The following TRPM1 variants were observed in gnomAD, a reference collection of about 807,000 sequenced individuals.
TRPM1 encodes transient receptor potential cation channel subfamily M member 1, also known as TRPM1-203 APA Isoform, Intron 10.
In TRPM1, 113 loss-of-function variants were observed where a neutral mutation model predicts 149.4. That is an observed-to-expected ratio of 0.76 (90% CI 0.65 to 0.88). The LOEUF (loss-of-function observed/expected upper bound fraction) is 0.88, where lower values mean the gene tolerates loss of function less well. TRPM1 is among the 40% of genes least tolerant of loss of function. TRPM1 has a pLI of 0.00. For missense variants in TRPM1, 1,976 were observed against 2,038.7 expected (o/e 0.97, Z 0.59); for synonymous variants, 741 against 759.5 (o/e 0.98, Z 0.40).
At position 31,081,358 on chromosome 15, in the gene TRPM1, G is replaced by T. The variant is rs1188940969; in HGVS notation, c.-3C>A. On this transcript the variant is annotated 5_prime_UTR_variant, in exon 2 of 28. Coordinates refer to ENST00000256552, the MANE Select transcript of TRPM1 (RefSeq NM_001252024.2). ...TGCTTTACTTAGGTATTAACCATGA[G>T]TTTTCAAAAAGTTGATATAAGGAAA... is the stretch of plus-strand genomic sequence containing the variant. 1 of 1,530,756 alleles carries T rather than the reference G, an allele frequency of 6.5e-7. No individual in the cohort carries two copies. The highest frequency in any genetic ancestry group is 8.8e-7 in the Non-Finnish European group (1 of 1,142,834). The allele number at this position is 1,530,756 out of a possible 1,614,324, so 94.8% of individuals were successfully genotyped here. A position where few individuals can be genotyped will look rare whatever the true frequency, so the allele number is the denominator to read the frequency against.
At chr15:31,003,386 A>T (rs1421232817) in intron 27 of TRPM1, among the ~76,000 whole-genome samples, 1 of 152,234 alleles carries the variant, frequency 6.6e-6, no homozygotes, top group Non-Finnish European at 1.5e-5. Flanking sequence ...CAGTCCTTGG[A>T]AGTAGGTCTA....
chr15:31,134,586 T>C (rs11857358), intron 1 of TRPM1, among the ~76,000 whole-genome samples: 3,981 of 152,316 alleles, frequency 0.026, 184 homozygotes, highest in African/African-American at 0.091. Flanking sequence ...CCTCTGGTTT[T>C]CCAGTGATTT....
At chr15:31,155,825 T>C (rs903043994) in intron 1 of TRPM1, among the ~76,000 whole-genome samples, 2 of 152,088 alleles carry the variant, frequency 1.3e-5, no homozygotes, top group Non-Finnish European at 2.9e-5. Flanking sequence ...TAAAATCTCA[T>C]CAGTTGGGTT....
At chr15:31,089,266 G>A (rs2035145177) in intron 1 of TRPM1, among the ~76,000 whole-genome samples, 3 of 150,316 alleles carry the variant, frequency 2.0e-5, no homozygotes, top group Admixed American at 2.0e-4. Context: ...TCTGAGGGTT[G>A]GCAATGGTGG....
At chr15:31,017,199 G>A (rs1435732494) in intron 27 of TRPM1, among the ~76,000 whole-genome samples, 2 of 151,996 alleles carry the variant, frequency 1.3e-5, no homozygotes, top group Admixed American at 6.6e-5. Context: ...CCAGCTACTC[G>A]GGAGGCTGAG....
chr15:31,093,624 T>A (rs2035300931), intron 1 of TRPM1, among the ~76,000 whole-genome samples: 1 of 151,906 alleles, frequency 6.6e-6, no homozygotes, highest in South Asian at 2.1e-4. Context: ...TATTTTGAGA[T>A]GGAGTCTTGC....
At chr15:31,148,257 G>A (rs1175815708) in intron 1 of TRPM1, among the ~76,000 whole-genome samples, 2 of 152,200 alleles carry the variant, frequency 1.3e-5, no homozygotes, top group Non-Finnish European at 2.9e-5. Flanking sequence ...AATGGTAGGT[G>A]CGAGGACAGC....
chr15:31,033,045 C>T (rs1387614589), intron 21 of TRPM1, 105 bp from the exon 22 acceptor site: 30 of 1,507,296 alleles, frequency 2.0e-5, no homozygotes, highest in Non-Finnish European at 2.7e-5. Flanking sequence ...GTCATCTGGC[C>T]CCTTTCCTAC....
chr15:31,061,621 G>A (rs2034234819), intron 9 of TRPM1, 107 bp from the exon 10 acceptor site: 1 of 911,050 alleles, frequency 1.1e-6, no homozygotes, highest in Non-Finnish European at 1.8e-6. Flanking sequence ...AAATGATCCT[G>A]AGCACTAAAC....
chr15:31,066,658 G>A (rs1220145819), intron 6 of TRPM1, among the ~76,000 whole-genome samples: 3 of 152,116 alleles, frequency 2.0e-5, no homozygotes, highest in African/African-American at 4.8e-5. Context: ...ACCTGGACGC[G>A]TGTTCAGAGA....
At chr15:31,049,566 G>C (rs940729564) in intron 12 of TRPM1, 57 bp from the exon 13 acceptor site, 11 of 1,604,802 alleles carry the variant, frequency 6.9e-6, no homozygotes, top group African/African-American at 1.3e-5. Context: ...ACAGGGGAGG[G>C]GGGCGACTGG....
chr15:31,140,265 G>A (rs1444058690), intron 1 of TRPM1, among the ~76,000 whole-genome samples: 1 of 151,644 alleles, frequency 6.6e-6, no homozygotes, highest in Non-Finnish European at 1.5e-5. Context: ...TGTAGACCCA[G>A]CTACTTGGGA....
At chr15:31,024,427 CT>C (rs2032651110) in intron 27 of TRPM1, among the ~76,000 whole-genome samples, 1 of 152,154 alleles carries the variant, frequency 6.6e-6, no homozygotes, top group Non-Finnish European at 1.5e-5. Flanking sequence ...GGGCATTCAC[CT>C]GTGAGTCAGC....
chr15:31,076,215 G>A (rs1282295908), intron 3 of TRPM1, among the ~76,000 whole-genome samples: 2 of 152,144 alleles, frequency 1.3e-5, no homozygotes, highest in Non-Finnish European at 2.9e-5. Context: ...GAGGGACTGT[G>A]ATTGCATGTG....
chr15:31,004,663 G>A (rs1053966653), intron 27 of TRPM1, among the ~76,000 whole-genome samples: 2 of 152,044 alleles, frequency 1.3e-5, no homozygotes, highest in African/African-American at 4.8e-5. Context: ...AGAAGTCCTG[G>A]CTTCCTTTTT....
At chr15:31,120,713 A>G (rs575658629) in intron 1 of TRPM1, among the ~76,000 whole-genome samples, 11 of 134,806 alleles carry the variant, frequency 8.2e-5, no homozygotes, top group African/African-American at 2.9e-4. Context: ...TCAGACCACA[A>G]TGGAATTAGA....
Position 31,087,231 on chromosome 15 carries a change from A to ATTTTTTTTTTTT in TRPM1, c.-83-5805_-83-5794dup, listed in dbSNP as rs58872566. ...AGCAGTTAAGCAGGTCTCAATAGGGATTTTTTTTTTTTTTTTTTTTTTTTT... is the reference window on the plus strand; with the variant it reads ...AGCAGTTAAGCAGGTCTCAATAGGGATTTTTTTTTTTTTTTTTTTTTTTTTTTTTTTTTTTTT... On this transcript the variant is annotated intron_variant, in intron 1 of 27. Coordinates refer to ENST00000256552, the MANE Select transcript of TRPM1 (RefSeq NM_001252024.2). Among the ~76,000 whole-genome samples, 36 of 59,442 alleles carry ATTTTTTTTTTTT rather than the reference A, an allele frequency of 6.1e-4. 4 individuals are homozygous for ATTTTTTTTTTTT. The highest frequency in any genetic ancestry group is 2.1e-3 in the African/African-American group (30 of 14,042). 39.0% of individuals were successfully genotyped at this position (59,442 alleles called of 152,430 possible). A position where few individuals can be genotyped will look rare whatever the true frequency, so the allele number is the denominator to read the frequency against.
intron 1 of TRPM1, among the ~76,000 whole-genome samples, chr15:31,149,589 G>T (rs533091377): frequency 1.4e-5 from 2 of 140,722 alleles, no homozygotes; most frequent in South Asian, 4.5e-4. Context: ...GCGCGATCTT[G>T]GCTCACTGCA....
At chr15:31,008,645 T>C (rs2032078787) in intron 27 of TRPM1, among the ~76,000 whole-genome samples, 1 of 152,186 alleles carries the variant, frequency 6.6e-6, no homozygotes, top group Non-Finnish European at 1.5e-5. Context: ...TCAATTGTCT[T>C]TGTCTGGTTT....
Sources: allele counts gnomAD v4.1 joint callset (sites outside exome capture counted in the v4.1 genomes callset), GRCh38; gene constraint gnomAD v4.1.1; transcripts MANE v1.5; gene names NCBI Gene and HGNC (gene_info 2026-07-23, HGNC 2026-07-21).